GALNT13: variants seen among roughly 807,000 people sequenced by gnomAD.
GALNT13 encodes UDP-GalNAc:polypeptide N-acetylgalactosaminyltransferase 13.
In GALNT13, 28 loss-of-function variants were observed where a neutral mutation model predicts 64.2. The observed-to-expected ratio is 0.44, with a 90% CI of 0.32 to 0.60. The LOEUF is 0.60. Among genes scored for constraint, GALNT13 ranks in the 20% least tolerant of loss-of-function variants. GALNT13 has a pLI of 0.05. For missense variants in GALNT13, 577 were observed against 669.8 expected, an observed-to-expected ratio of 0.86 and a Z score of 1.53; for synonymous variants, 214 against 224.6, an observed-to-expected ratio of 0.95 and a Z score of 0.42.
At position 154,259,013 on chromosome 2, in the gene GALNT13, T is replaced by C; in HGVS notation, c.858-8T>C. ...GATATTCTTTTCTTTTTGTTTTTTT[T>C]CAACTAGGACCCCTACTATGGCTGG... On this transcript the variant is annotated splice_polypyrimidine_tract_variant and splice_region_variant and intron_variant, in intron 7 of 12. Transcript: ENST00000392825. The C allele has an allele frequency of 1.4e-6, 2 of 1,451,608 alleles. No individual in the cohort carries two copies. The highest frequency in any genetic ancestry group is 1.9e-6 in the Non-Finnish European group (2 of 1,034,724). 89.9% of individuals were successfully genotyped at this position (1,451,608 alleles called of 1,614,324 possible). A position where few individuals can be genotyped will look rare whatever the true frequency, so the allele number is the denominator to read the frequency against.
chr2:153,717,238 C>G, the GALNT13 span, among the ~76,000 whole-genome samples: 19 of 152,190 alleles, frequency 1.2e-4, no homozygotes, highest in Non-Finnish European at 1.2e-4. Context: ...TTCCTAATTG[C>G]TAGCAGTGTT....
At chr2:154,151,938 C>T (rs1457583230) in intron 4 of GALNT13, among the ~76,000 whole-genome samples, 2 of 152,002 alleles carry the variant, frequency 1.3e-5, no homozygotes, top group Admixed American at 6.6e-5. Flanking sequence ...ACATTTAAGG[C>T]TAATATTGTT....
chr2:153,832,608 T>A, the GALNT13 span, among the ~76,000 whole-genome samples: 1 of 152,222 alleles, frequency 6.6e-6, no homozygotes, highest in Non-Finnish European at 1.5e-5. Context: ...GATATTGTTT[T>A]GTAGCTCTTC....
chr2:153,813,814 A>G, the GALNT13 span, among the ~76,000 whole-genome samples: 1 of 152,180 alleles, frequency 6.6e-6, no homozygotes, highest in Non-Finnish European at 1.5e-5. Flanking sequence ...ATTATTTCTT[A>G]CAATTATATA....
At chr2:154,225,300 G>A (rs985660287) in intron 4 of GALNT13, among the ~76,000 whole-genome samples, 2 of 152,022 alleles carry the variant, frequency 1.3e-5, no homozygotes, top group Non-Finnish European at 2.9e-5. Context: ...ACTGAGATAC[G>A]TTTATTCACC....
chr2:154,036,410 G>A (rs1218562332), intron 3 of GALNT13, among the ~76,000 whole-genome samples: 1 of 152,022 alleles, frequency 6.6e-6, no homozygotes, highest in African/African-American at 2.4e-5. Context: ...CAAAACAAAA[G>A]CTTCTGAGAG....
At chr2:154,446,907 C>T in intron 12 of GALNT13, 1 of 796,416 alleles carries the variant, frequency 1.3e-6, no homozygotes, top group Non-Finnish European at 1.8e-6. Context: ...TCTTTTACTT[C>T]CTAGCTACTC....
At chr2:153,103,004 T>G in the GALNT13 span, among the ~76,000 whole-genome samples, 2 of 152,080 alleles carry the variant, frequency 1.3e-5, no homozygotes, top group Admixed American at 1.3e-4. Flanking sequence ...AGGGTATTAA[T>G]GCTGAAACGA....
At chr2:153,172,297 C>T in the GALNT13 span, among the ~76,000 whole-genome samples, 98 of 152,188 alleles carry the variant, frequency 6.4e-4, no homozygotes, top group African/African-American at 2.2e-3. Context: ...AAGCCACCTT[C>T]GTTTTTCATA....
At chr2:153,385,752 A>G in the GALNT13 span, among the ~76,000 whole-genome samples, 16 of 152,120 alleles carry the variant, frequency 1.1e-4, no homozygotes, top group African/African-American at 3.9e-4. Context: ...GCTTGAGGAG[A>G]TGGACACCCC....
the GALNT13 span, among the ~76,000 whole-genome samples, chr2:153,650,693 A>C: frequency 1.1e-4 from 16 of 152,266 alleles, no homozygotes; most frequent in South Asian, 3.3e-3. Context: ...GCTTGTCTGC[A>C]AAGTATTTTA....
chr2:153,448,904 C>T, the GALNT13 span, among the ~76,000 whole-genome samples: 4 of 152,144 alleles, frequency 2.6e-5, no homozygotes, highest in Admixed American at 6.5e-5. Flanking sequence ...TAAGGTTAAA[C>T]GAGGTCATAA....
chr2:153,294,703 A>C, the GALNT13 span, among the ~76,000 whole-genome samples: 1 of 152,194 alleles, frequency 6.6e-6, no homozygotes, highest in Admixed American at 6.5e-5. Context: ...ACAGGATTGA[A>C]TAGATGTTCA....
At chr2:153,589,801 A>G in the GALNT13 span, among the ~76,000 whole-genome samples, 3 of 152,184 alleles carry the variant, frequency 2.0e-5, no homozygotes, top group Admixed American at 6.6e-5. Context: ...ATTTGCCCCC[A>G]TGATTCATTT....
the GALNT13 span, among the ~76,000 whole-genome samples, chr2:153,367,674 T>G: frequency 6.6e-6 from 1 of 152,162 alleles, no homozygotes; most frequent in Admixed American, 6.6e-5. Context: ...TGATTTTGGA[T>G]GTCTGACATA....
At chr2:153,897,246 G>A (rs977883014) in intron 1 of GALNT13, among the ~76,000 whole-genome samples, 1 of 152,062 alleles carries the variant, frequency 6.6e-6, no homozygotes, top group Non-Finnish European at 1.5e-5. Context: ...GATCCCAGGT[G>A]TATTTTGTTG....
At chr2:154,417,525 T>TTTATTTATTTA (rs1559143602) in intron 11 of GALNT13, among the ~76,000 whole-genome samples, 28 of 20,494 alleles carry the variant, frequency 1.4e-3, no homozygotes, top group South Asian at 3.2e-3. Context: ...TTATTTATTT[T>TTTATTTATTTA]TTTGAGGCGG....
the GALNT13 span, among the ~76,000 whole-genome samples, chr2:153,297,745 T>G: frequency 2.6e-5 from 4 of 152,214 alleles, no homozygotes; most frequent in African/African-American, 4.8e-5. Flanking sequence ...ACTAAATTGT[T>G]GCAGTGCAGT....
At chr2:153,731,108 GTGAA>G in the GALNT13 span, among the ~76,000 whole-genome samples, 1 of 151,674 alleles carries the variant, frequency 6.6e-6, no homozygotes, top group Non-Finnish European at 1.5e-5. Flanking sequence ...TTGTGTGTGT[GTGAA>G]TGTCATATAT....
Sources: gnomAD v4.1 joint callset for allele counts (sites outside exome capture counted in the v4.1 genomes callset) on GRCh38, gnomAD v4.1.1 for gene constraint, MANE v1.5 for transcripts, NCBI Gene and HGNC (gene_info 2026-07-23, HGNC 2026-07-21) for gene names.